Variants in LAMA3 observed in about 807,000 individuals in gnomAD.
LAMA3 encodes the protein laminin subunit alpha-3.
In LAMA3, 281 loss-of-function variants were observed where a neutral mutation model predicts 402.0. The observed-to-expected ratio is 0.70, with a 90% confidence interval of 0.63 to 0.77. The LOEUF (loss-of-function observed/expected upper bound fraction) is 0.77, where lower values mean the gene tolerates loss of function less well. LAMA3 is among the 30% of genes least tolerant of loss of function. The pLI is 0.00. For missense variants in LAMA3, 3,840 were observed against 4,215.5 expected (o/e 0.91, Z 2.47); for synonymous variants, 1,431 against 1,558.4 (o/e 0.92, Z 1.93).
chr18:23,719,648 T>C (rs2061174005), intron 2 of LAMA3, among the ~76,000 whole-genome samples: 1 of 152,058 alleles, frequency 6.6e-6, no homozygotes, highest in Admixed American at 6.6e-5. Context: ...GTGAATTCAG[T>C]ATGTAGTTGC....
chr18:23,908,406 T>G (rs1156300453), intron 54 of LAMA3, among the ~76,000 whole-genome samples: 1 of 151,740 alleles, frequency 6.6e-6, no homozygotes, highest in Non-Finnish European at 1.5e-5. Context: ...GATGGGCGCC[T>G]GTAGTCCCAG....
At chr18:23,718,122 G>T (rs2061142654) in intron 2 of LAMA3, among the ~76,000 whole-genome samples, 3 of 152,106 alleles carry the variant, frequency 2.0e-5, no homozygotes, top group Admixed American at 2.0e-4. Flanking sequence ...AGAATCTTTG[G>T]AATCTAGGAA....
At chr18:23,805,569 A>G (rs1316625001) in intron 12 of LAMA3, among the ~76,000 whole-genome samples, 3 of 152,268 alleles carry the variant, frequency 2.0e-5, no homozygotes, top group Middle Eastern at 3.4e-3. Context: ...AACTGGGGAA[A>G]TAACTACAGG....
Position 23,909,226 on chromosome 18 carries a change from G to A in LAMA3, c.7089G>A (p.Leu2363=), listed in dbSNP as rs80105922. The part of the protein sequence containing the change: ...IESINQQLLP[L]GNISDNMDRI... ...GTATCAACCAACAGCTGTTGCCCTTGGGAAACATCTCTGACAACATGGACA... is the reference window on the plus strand; with the variant it reads ...GTATCAACCAACAGCTGTTGCCCTTAGGAAACATCTCTGACAACATGGACA... The change falls in exon 55 of 75, where the codon TTG becomes TTA. Residue 2363 remains leucine (L), a synonymous_variant. Coordinates refer to ENST00000313654, the MANE Select transcript of LAMA3 (RefSeq NM_198129.4). The A allele has an allele frequency of 3.7e-6, 6 of 1,613,896 alleles. No homozygotes were observed. The African/African-American group carries it at 8.0e-5, about 22-fold the overall frequency.
intron 59 of LAMA3, 51 bp from the exon 60 acceptor site, chr18:23,916,500 A>T (rs1481717108): frequency 6.3e-7 from 1 of 1,596,738 alleles, no homozygotes; most frequent in Non-Finnish European, 8.6e-7. Context: ...GCACACTGGC[A>T]TGGTGATCAT....
intron 67 of LAMA3, among the ~76,000 whole-genome samples, chr18:23,936,354 C>T (rs1047639815): frequency 1.3e-5 from 2 of 151,526 alleles, no homozygotes; most frequent in African/African-American, 4.9e-5. Context: ...TCGTCATTTA[C>T]ATTAGGTATA....
chr18:23,771,581 G>GA (rs2062199613), intron 8 of LAMA3, among the ~76,000 whole-genome samples: 1 of 152,048 alleles, frequency 6.6e-6, no homozygotes, highest in African/African-American at 2.4e-5. Flanking sequence ...TATAACAGAA[G>GA]AAAAAAACTG....
chr18:23,797,232 G>T (rs1437797692), intron 12 of LAMA3, among the ~76,000 whole-genome samples: 2 of 151,968 alleles, frequency 1.3e-5, no homozygotes, highest in East Asian at 3.9e-4. Flanking sequence ...TGTCTGTGAT[G>T]GCCTTCCTTG....
At position 23,944,062 on chromosome 18, in the gene LAMA3, CA is replaced by C. The variant is rs2082622034; in HGVS notation, c.9210+92del. 5 of 1,286,066 alleles carry C rather than the reference CA, an allele frequency of 3.9e-6. No individual in the cohort carries two copies. In the East Asian group the frequency reaches 1.2e-4, roughly 32 times the overall value. The allele number at this position is 1,286,066 out of a possible 1,614,324, so 79.7% of individuals were successfully genotyped here. ...TAGGAGTCCCAGCATCCTTCCCAGACATGAGGGCGTGGAGTGGGAGAGCTTG... is the reference window on the plus strand; with the variant it reads ...TAGGAGTCCCAGCATCCTTCCCAGACTGAGGGCGTGGAGTGGGAGAGCTTG... On this transcript the variant is annotated intron_variant, in intron 69 of 74. Transcript: ENST00000313654.
At chr18:23,763,651 C>T in intron 8 of LAMA3, 128 bp downstream of exon 8, 2 of 756,596 alleles carry the variant, frequency 2.6e-6, no homozygotes, top group Middle Eastern at 2.7e-4. Context: ...CATTTCTCCA[C>T]TGTTGCTCAC....
chr18:23,858,961 G>A (rs559241240), intron 34 of LAMA3, 132 bp downstream of exon 34: 13 of 918,492 alleles, frequency 1.4e-5, no homozygotes, highest in African/African-American at 8.1e-5. Flanking sequence ...TTGTTTGCTC[G>A]AATGCCATGT....
At position 23,810,355 on chromosome 18, in the gene LAMA3, C is replaced by T. The variant is rs373471758; in HGVS notation, c.1604-11C>T. On this transcript the variant is annotated splice_polypyrimidine_tract_variant and intron_variant, in intron 12 of 74. Transcript: ENST00000313654. Reference sequence around the variant, plus strand: ...ACCCCCGCCTAAGTCTGATTGAATTCTTTCATCCAGCCTGCTGGTGTTCAG... The same window carrying T: ...ACCCCCGCCTAAGTCTGATTGAATTTTTTCATCCAGCCTGCTGGTGTTCAG... The T allele has an allele frequency of 6.2e-7, 1 of 1,614,088 alleles. No individual in the cohort carries two copies. The highest frequency in any genetic ancestry group is 1.1e-5 in the South Asian group (1 of 91,076).
chr18:23,896,225 A>G (rs2080868815), intron 44 of LAMA3, among the ~76,000 whole-genome samples: 1 of 152,192 alleles, frequency 6.6e-6, no homozygotes, highest in Admixed American at 6.5e-5. Flanking sequence ...AGTCCCAGCT[A>G]CTTGGGAGGC....
intron 46 of LAMA3, 34 bp downstream of exon 46, chr18:23,899,099 T>C: frequency 6.5e-7 from 1 of 1,534,278 alleles, no homozygotes; most frequent in Non-Finnish European, 9.0e-7. Flanking sequence ...TTACATTTTT[T>C]TTGGTTACAT....
At chr18:23,889,828 T>A (rs983281187) in intron 41 of LAMA3, among the ~76,000 whole-genome samples, 183 bp from the exon 42 acceptor site, 7 of 152,200 alleles carry the variant, frequency 4.6e-5, no homozygotes, top group African/African-American at 1.7e-4. Context: ...CAGATTTATT[T>A]CTGTGAGACA....
chr18:23,950,846 C>G (rs1214050753), intron 72 of LAMA3, among the ~76,000 whole-genome samples: 1 of 152,136 alleles, frequency 6.6e-6, no homozygotes, highest in African/African-American at 2.4e-5. Flanking sequence ...CCCAGAAAAG[C>G]AAGTAACTAT....
intron 11 of LAMA3, among the ~76,000 whole-genome samples, chr18:23,779,468 A>G (rs996502779): frequency 2.0e-5 from 3 of 152,168 alleles, no homozygotes; most frequent in African/African-American, 7.2e-5. Flanking sequence ...CGGAAGTAGA[A>G]TATTAGAGAA....
At chr18:23,726,603 T>C (rs1568118334) in intron 2 of LAMA3, among the ~76,000 whole-genome samples, 1 of 152,150 alleles carries the variant, frequency 6.6e-6, no homozygotes, top group African/African-American at 2.4e-5. Flanking sequence ...CACAAGCCCC[T>C]GTTTATTTAT....
intron 39 of LAMA3, among the ~76,000 whole-genome samples, chr18:23,878,063 G>C (rs113407139): frequency 6.6e-6 from 1 of 152,092 alleles, no homozygotes; most frequent in Non-Finnish European, 1.5e-5. Context: ...CAATGATGGC[G>C]CCACTGCACT....
Sources: allele counts gnomAD v4.1 joint callset (sites outside exome capture counted in the v4.1 genomes callset), GRCh38; gene constraint gnomAD v4.1.1; transcripts MANE v1.5; gene names NCBI Gene and HGNC (gene_info 2026-07-23, HGNC 2026-07-21).